Variants in FCHO2 observed in about 807,000 individuals in gnomAD.
The protein encoded by FCHO2 is F-BAR domain only protein 2.
FCHO2 carries 43 observed loss-of-function variants against 114.1 expected under a neutral mutation model. The ratio of observed to expected loss-of-function variants is 0.38; its 90% CI spans 0.30 to 0.49. The LOEUF is 0.49. Among genes scored for constraint, FCHO2 ranks in the 20% least tolerant of loss-of-function variants. The probability of loss-of-function intolerance (pLI) is 0.97; values close to 1 mark genes in which losing one functional copy is unlikely to be tolerated. For synonymous variants in FCHO2, 293 were observed against 315.2 expected (o/e 0.93, Z 0.75); for missense variants, 807 against 950.4 (o/e 0.85, Z 1.98).
intron 19 of FCHO2, among the ~76,000 whole-genome samples, chr5:73,072,050 A>ACAGG (rs1445463708): frequency 6.6e-6 from 1 of 151,292 alleles, no homozygotes; most frequent in Non-Finnish European, 1.5e-5. Flanking sequence ...TTTTAATGAG[A>ACAGG]CAGGGTCTCA....
rs781403448 is a variant in FCHO2, at chr5:73,087,647, A to G, written c.2304A>G (p.Thr768=). The G allele has an allele frequency of 6.2e-7, 1 of 1,613,950 alleles. No homozygotes were observed. Among genetic ancestry groups the G allele is most frequent in the Non-Finnish European group, 8.5e-7 (1 of 1,179,840 alleles). ...DLSEGPSKPT[T]LAVQFLSEGS... ...CAGAAGGACCTAGTAAACCCACGACACTTGCAGTACAATTCCTCAGCGAGG... is the reference window on the plus strand; with the variant it reads ...CAGAAGGACCTAGTAAACCCACGACGCTTGCAGTACAATTCCTCAGCGAGG... Residue 768 remains threonine, a synonymous_variant, in exon 25 of 26, where the codon ACA becomes ACG. Coordinates refer to ENST00000430046, the MANE Select transcript of FCHO2 (RefSeq NM_138782.3).
chr5:72,990,499 T>C lies in FCHO2; in HGVS notation c.222T>C (p.Asp74=). The change falls in exon 4 of 26, where the codon GAT becomes GAC. Residue 74 remains aspartate (D), a synonymous_variant. Transcript: ENST00000430046. ...TTAGAACATTTGCACCAGTATGGGA[T>C]GTATTCAAAACATCTACAGAGAAAT... ...SQLGTFAPVW[D]VFKTSTEKLA... 6.6e-7 allele frequency: 1 copy of C among 1,525,504 alleles called. No homozygotes were observed. The allele number at this position is 1,525,504 out of a possible 1,614,324, so 94.5% of individuals were successfully genotyped here. A position where few individuals can be genotyped will look rare whatever the true frequency, so the allele number is the denominator to read the frequency against.
chr5:73,056,052 A>AT lies in FCHO2; in HGVS notation c.1211-7dup. 1 of 1,477,800 alleles carries AT rather than the reference A, an allele frequency of 6.8e-7. No homozygotes were observed. The highest frequency in any genetic ancestry group is 9.1e-7 in the Non-Finnish European group (1 of 1,102,496). 91.5% of individuals were successfully genotyped at this position (1,477,800 alleles called of 1,614,324 possible). On this transcript the variant is annotated splice_polypyrimidine_tract_variant and intron_variant, in intron 15 of 25. Transcript: ENST00000430046. ...CAGATTATGAAGTTTTCATATTTTA[A>AT]TTTTTTAATTAGATGAGGAGTTAAC...
chr5:73,034,551 T>C (rs1756398084), intron 8 of FCHO2, 106 bp from the exon 9 acceptor site: 1 of 766,434 alleles, frequency 1.3e-6, no homozygotes, highest in African/African-American at 1.8e-5. Flanking sequence ...AAAAGATGCG[T>C]TGTCAATTAA....
intron 11 of FCHO2, among the ~76,000 whole-genome samples, chr5:73,042,711 T>C (rs1289228750): frequency 6.6e-6 from 1 of 152,176 alleles, no homozygotes; most frequent in Non-Finnish European, 1.5e-5. Context: ...AGGGGTTAAT[T>C]GCTTTCATTT....
intron 2 of FCHO2, among the ~76,000 whole-genome samples, chr5:72,980,162 T>C (rs2112639826): frequency 6.6e-6 from 1 of 152,348 alleles, no homozygotes; most frequent in East Asian, 1.9e-4. Flanking sequence ...TTCTCATTGG[T>C]TTCAAAGAAC....
At chr5:72,991,178 C>G (rs1381375311) in intron 5 of FCHO2, among the ~76,000 whole-genome samples, 2 of 152,144 alleles carry the variant, frequency 1.3e-5, no homozygotes, top group African/African-American at 4.8e-5. Flanking sequence ...GATTCTCCTG[C>G]CTCAGCCTCC....
chr5:73,045,166 C>T (rs1489435569), intron 11 of FCHO2, among the ~76,000 whole-genome samples: 1 of 152,190 alleles, frequency 6.6e-6, no homozygotes, highest in Admixed American at 6.5e-5. Context: ...TGTAATATCA[C>T]AACTGAAATA....
chr5:73,034,633 GT>G, intron 8 of FCHO2, 23 bp from the exon 9 acceptor site: 1 of 1,570,198 alleles, frequency 6.4e-7, no homozygotes, highest in Non-Finnish European at 8.6e-7. Flanking sequence ...TCTACTAGAA[GT>G]TTTTCAATTT....
intron 2 of FCHO2, among the ~76,000 whole-genome samples, chr5:72,979,825 T>G (rs1368360778): frequency 6.6e-6 from 1 of 152,224 alleles, no homozygotes; most frequent in Non-Finnish European, 1.5e-5. Flanking sequence ...TCTATTTGAT[T>G]CTTCTCTCTT....
chr5:73,083,902 A>G (rs1743208442), intron 24 of FCHO2, among the ~76,000 whole-genome samples: 1 of 151,584 alleles, frequency 6.6e-6, no homozygotes, highest in Non-Finnish European at 1.5e-5. Flanking sequence ...CAAAAAAAAA[A>G]AAAAAAAAAA....
At chr5:73,013,942 C>T (rs1337932991) in intron 6 of FCHO2, among the ~76,000 whole-genome samples, 3 of 151,960 alleles carry the variant, frequency 2.0e-5, no homozygotes, top group Admixed American at 6.6e-5. Context: ...CCTCGGCCTC[C>T]CAAAGTGCTG....
intron 8 of FCHO2, among the ~76,000 whole-genome samples, chr5:73,023,939 A>G (rs1353428814): frequency 6.6e-6 from 1 of 152,216 alleles, no homozygotes; most frequent in Admixed American, 6.5e-5. Flanking sequence ...CAACAAATAT[A>G]CAGTTATTAT....
intron 5 of FCHO2, among the ~76,000 whole-genome samples, chr5:73,003,782 G>A (rs1267425670): frequency 6.6e-6 from 1 of 152,152 alleles, no homozygotes; most frequent in Non-Finnish European, 1.5e-5. Context: ...GGTGGCTCAT[G>A]CCTGTAATCC....
chr5:73,008,337 G>A (rs2112719881), intron 6 of FCHO2, among the ~76,000 whole-genome samples: 1 of 152,270 alleles, frequency 6.6e-6, no homozygotes, highest in African/African-American at 2.4e-5. Flanking sequence ...AGGTGAGAAG[G>A]ATGAGGGCCA....
intron 11 of FCHO2, among the ~76,000 whole-genome samples, chr5:73,044,547 A>T (rs967001845): frequency 6.6e-6 from 1 of 152,228 alleles, no homozygotes; most frequent in African/African-American, 2.4e-5. Flanking sequence ...TCAATAGGCT[A>T]TCATGGTAGG....
At chr5:73,056,904 G>T (rs1757622642) in intron 16 of FCHO2, among the ~76,000 whole-genome samples, 1 of 151,966 alleles carries the variant, frequency 6.6e-6, no homozygotes, top group East Asian at 1.9e-4. Flanking sequence ...ATGTTTCATG[G>T]GTCTCTTTTT....
intron 8 of FCHO2, among the ~76,000 whole-genome samples, chr5:73,032,154 G>A (rs1756270431): frequency 2.0e-5 from 3 of 152,176 alleles, no homozygotes; most frequent in Non-Finnish European, 2.9e-5. Context: ...AGCCAGGCAC[G>A]CAAAGCCTTG....
intron 8 of FCHO2, among the ~76,000 whole-genome samples, chr5:73,032,230 A>G (rs1191593820): frequency 6.6e-6 from 1 of 152,242 alleles, no homozygotes; most frequent in African/African-American, 2.4e-5. Flanking sequence ...GCATGATTTA[A>G]TGGTTTTTTT....
Sources: gnomAD v4.1 joint callset for allele counts (sites outside exome capture counted in the v4.1 genomes callset) on GRCh38, gnomAD v4.1.1 for gene constraint, MANE v1.5 for transcripts, NCBI Gene and HGNC (gene_info 2026-07-23, HGNC 2026-07-21) for gene names.